The following PPEF1 variants were observed in gnomAD, a reference collection of about 807,000 sequenced individuals.
PPEF1 encodes serine/threonine-protein phosphatase with EF-hands 1.
In PPEF1, 12 loss-of-function variants were observed where a neutral mutation model predicts 53.3. The ratio of observed to expected loss-of-function variants is 0.23; its 90% CI spans 0.14 to 0.36. The LOEUF is 0.36. Among genes scored for constraint, PPEF1 ranks in the 10% least tolerant of loss-of-function variants. The pLI is 1.00. For missense variants in PPEF1, 334 were observed against 490.4 expected, an observed-to-expected ratio of 0.68 and a Z score of 3.01; for synonymous variants, 165 against 176.7, an observed-to-expected ratio of 0.93 and a Z score of 0.52.
intron 10 of PPEF1, among the ~76,000 whole-genome samples, chrX:18,796,563 T>C (rs1047211120): frequency 3.6e-5 from 4 of 112,336 alleles, no homozygotes; most frequent in African/African-American, 1.3e-4. Flanking sequence ...CCAAACAGTG[T>C]TAAATTTCTT....
rs781663474 is a variant in PPEF1, at chrX:18,753,311, C to T, written c.396+3359C>T. Among the ~76,000 whole-genome samples the T allele has an allele frequency of 1.3e-4, 15 of 111,373 alleles. No homozygotes were observed. In the East Asian group the frequency reaches 4.2e-3, roughly 31 times the overall value. Reference sequence around the variant, plus strand: ...ATTGTTCATAGTATTCTCTCATAACCCTTTTTTATTTCTTTAAGGTTGATG... The same window carrying T: ...ATTGTTCATAGTATTCTCTCATAACTCTTTTTTATTTCTTTAAGGTTGATG... On this transcript the variant is annotated intron_variant, in intron 4 of 15. Transcript: ENST00000470157.
intron 13 of PPEF1, among the ~76,000 whole-genome samples, chrX:18,821,109 G>A (rs926985192): frequency 1.0e-4 from 11 of 107,226 alleles, no homozygotes; most frequent in East Asian, 3.0e-4. Flanking sequence ...TGTAGTCCCA[G>A]CTACTCGGGA....
At chrX:18,807,124 G>T (rs1255456587) in intron 12 of PPEF1, among the ~76,000 whole-genome samples, 1 of 110,488 alleles carries the variant, frequency 9.1e-6, no homozygotes, top group Admixed American at 9.6e-5. Context: ...CTGCCTCCCA[G>T]GTTCAAGCTG....
chrX:18,791,450 C>A (rs2046322882), intron 10 of PPEF1, among the ~76,000 whole-genome samples: 1 of 111,747 alleles, frequency 8.9e-6, no homozygotes, highest in Non-Finnish European at 1.9e-5. Flanking sequence ...GTTTTTGATG[C>A]TATTGTAAAT....
intron 6 of PPEF1, 55 bp from the exon 7 acceptor site, chrX:18,778,955 C>T: frequency 9.3e-7 from 1 of 1,074,447 alleles, no homozygotes; most frequent in African/African-American, 1.8e-5. Flanking sequence ...CACGGCCTGA[C>T]TTTAAAAGTA....
chrX:18,738,859 G>C (rs190626458), intron 3 of PPEF1, among the ~76,000 whole-genome samples: 2 of 111,016 alleles, frequency 1.8e-5, no homozygotes, highest in Non-Finnish European at 1.9e-5. Context: ...TTCTCTTCTC[G>C]CTTCATTTCA....
chrX:18,724,810 G>A (rs936493030), intron 1 of PPEF1, among the ~76,000 whole-genome samples: 6 of 110,875 alleles, frequency 5.4e-5, no homozygotes, highest in Admixed American at 1.9e-4. Context: ...CCCTCGGGTA[G>A]GGTCTATCAT....
intron 4 of PPEF1, among the ~76,000 whole-genome samples, chrX:18,751,644 G>A (rs1485305734): frequency 1.8e-5 from 2 of 111,911 alleles, no homozygotes; most frequent in Admixed American, 9.5e-5. Flanking sequence ...GCCAGGCATG[G>A]TGGCTCATGC....
intron 9 of PPEF1, among the ~76,000 whole-genome samples, chrX:18,787,272 G>A (rs763752703): frequency 2.8e-4 from 31 of 111,197 alleles, no homozygotes; most frequent in African/African-American, 9.5e-4. Context: ...ACCTGCGGTC[G>A]TAATGGTATC....
At chrX:18,753,419 AATTTTGTTG>A (rs1177642954) in intron 4 of PPEF1, among the ~76,000 whole-genome samples, 1 of 110,118 alleles carries the variant, frequency 9.1e-6, no homozygotes, top group Non-Finnish European at 1.9e-5. Flanking sequence ...AAGGTTTGTT[AATTTTGTTG>A]ATCTTTTCAA....
chrX:18,737,515 A>C (rs999473353), intron 3 of PPEF1, among the ~76,000 whole-genome samples: 5 of 111,703 alleles, frequency 4.5e-5, no homozygotes, highest in Non-Finnish European at 9.4e-5. Context: ...CTGTTCTTTT[A>C]CACTTGCTGA....
At chrX:18,759,406 G>T (rs2045613637) in intron 5 of PPEF1, among the ~76,000 whole-genome samples, 1 of 111,618 alleles carries the variant, frequency 9.0e-6, no homozygotes, top group Admixed American at 9.6e-5. Context: ...TATTTTAATT[G>T]TGAGATGCAT....
chrX:18,818,649 G>T (rs959469999), intron 13 of PPEF1, among the ~76,000 whole-genome samples: 1 of 111,790 alleles, frequency 8.9e-6, no homozygotes, highest in African/African-American at 3.3e-5. Context: ...GATTACAGGC[G>T]TGAGCCACCC....
At chrX:18,735,350 A>G (rs1336817703) in intron 3 of PPEF1, among the ~76,000 whole-genome samples, 1 of 111,934 alleles carries the variant, frequency 8.9e-6, no homozygotes, top group Non-Finnish European at 1.9e-5. Flanking sequence ...CCATATGGCT[A>G]GCCAGTTTTC....
chrX:18,817,571 A>C (rs1172297069), intron 12 of PPEF1, among the ~76,000 whole-genome samples: 1 of 110,715 alleles, frequency 9.0e-6, no homozygotes, highest in Non-Finnish European at 1.9e-5. Context: ...CGATCTCTTG[A>C]CTTTGTCATC....
chrX:18,678,747 G>A (rs1928772206), upstream of PPEF1, among the ~76,000 whole-genome samples: 1 of 111,182 alleles, frequency 9.0e-6, no homozygotes, highest in Non-Finnish European at 1.9e-5. Flanking sequence ...GACCTCTCGC[G>A]ATGTTTATTT....
At chrX:18,728,574 T>G (rs2147362177) in intron 1 of PPEF1, among the ~76,000 whole-genome samples, 1 of 111,100 alleles carries the variant, frequency 9.0e-6, no homozygotes, top group East Asian at 2.8e-4. Flanking sequence ...GCCAAATCAT[T>G]TGTATATTAT....
chrX:18,693,563 A>G (rs1929536047), intron 4 of PPEF1, among the ~76,000 whole-genome samples: 1 of 111,696 alleles, frequency 9.0e-6, no homozygotes, highest in African/African-American at 3.3e-5. Flanking sequence ...TCTGTGATTT[A>G]TTTTTTATTT....
At chrX:18,740,017 T>A (rs1197911874) in intron 3 of PPEF1, among the ~76,000 whole-genome samples, 2 of 112,458 alleles carry the variant, frequency 1.8e-5, no homozygotes, top group Non-Finnish European at 3.8e-5. Context: ...GTCCTGATTT[T>A]CCAGGTACCA....
Sources: gnomAD v4.1 joint callset for allele counts (sites outside exome capture counted in the v4.1 genomes callset) on GRCh38, gnomAD v4.1.1 for gene constraint, MANE v1.5 for transcripts, NCBI Gene and HGNC (gene_info 2026-07-23, HGNC 2026-07-21) for gene names.